NXN: variants seen among roughly 807,000 people sequenced by gnomAD.
The protein encoded by NXN is nucleoredoxin.
NXN carries 16 observed loss-of-function variants against 48.6 expected under a neutral mutation model. The observed-to-expected ratio is 0.33, with a 90% CI of 0.22 to 0.50. The LOEUF (loss-of-function observed/expected upper bound fraction) is 0.50. NXN is among the 20% of genes least tolerant of loss of function. The pLI is 0.98. For missense variants in NXN, 492 were observed against 605.5 expected (o/e 0.81, Z 1.97); for synonymous variants, 281 against 269.6 (o/e 1.04, Z -0.41).
At chr17:967,426 G>C (rs75367979) in intron 1 of NXN, among the ~76,000 whole-genome samples, 4,160 of 152,282 alleles carry the variant, frequency 0.027, 251 homozygotes, top group East Asian at 0.26. Context: ...TGCCACCCGG[G>C]CCTAAAGCTG....
chr17:841,688 G>GACCACGGA (rs1567828232), intron 1 of NXN, among the ~76,000 whole-genome samples: 2 of 113,558 alleles, frequency 1.8e-5, no homozygotes, highest in African/African-American at 8.4e-5. Flanking sequence ...CCCTGACCAT[G>GACCACGGA]GCACATCTCA....
intron 1 of NXN, among the ~76,000 whole-genome samples, chr17:897,526 G>A (rs1018117603): frequency 2.0e-5 from 3 of 152,128 alleles, no homozygotes; most frequent in South Asian, 4.1e-4. Context: ...ATTCACGTCC[G>A]GCATGTTCCG....
intron 1 of NXN, among the ~76,000 whole-genome samples, chr17:871,884 T>C (rs1041091399): frequency 2.0e-5 from 3 of 152,072 alleles, no homozygotes; most frequent in Non-Finnish European, 4.4e-5. Flanking sequence ...TCTGCAGTGC[T>C]ATTTGCTTTA....
rs1038557014 is a variant in NXN at position 903,884 on chromosome 17, C to G, written c.360+75435G>C. 2.3e-4 allele frequency among the ~76,000 whole-genome samples: 35 copies of G among 152,104 alleles called. 1 individual carries two copies. Among genetic ancestry groups the G allele is most frequent in the Admixed American group, 6.6e-4 (10 of 15,244 alleles). On this transcript the variant is annotated intron_variant, in intron 1 of 7. Coordinates refer to ENST00000336868, the MANE Select transcript of NXN (RefSeq NM_022463.5). ...GTAGACCAAATCCCCACTGGGGCGG[C>G]CCCCTCCGAAGCCAACCTCACCCCC... is the stretch of plus-strand genomic sequence containing the variant.
At position 825,145 on chromosome 17, in the gene NXN, G is replaced by C. The variant is rs1168533682; in HGVS notation, c.478+816C>G. On this transcript the variant is annotated intron_variant, in intron 2 of 7. Coordinates refer to ENST00000336868, the MANE Select transcript of NXN (RefSeq NM_022463.5). The surrounding 1 kb of genome is among the most constrained non-coding windows in gnomAD (Gnocchi z 4.1). ...ACACGGGAGGATGAGTTGAGCTCAG[G>C]AGGTCGAGGCTGCAGTGAACCGGGA... Among the ~76,000 whole-genome samples, 1 of 151,586 alleles carries C rather than the reference G, an allele frequency of 6.6e-6. No individual in the cohort carries two copies. Among genetic ancestry groups the C allele is most frequent in the Admixed American group, 6.6e-5 (1 of 15,192 alleles).
intron 1 of NXN, among the ~76,000 whole-genome samples, chr17:855,222 G>A (rs1446375900): frequency 6.6e-6 from 1 of 152,176 alleles, no homozygotes; most frequent in African/African-American, 2.4e-5. Context: ...AGGCTGCAGT[G>A]AGCTCTGATC....
intron 1 of NXN, among the ~76,000 whole-genome samples, chr17:960,615 C>T (rs1224002089): frequency 2.6e-5 from 4 of 151,864 alleles, no homozygotes; most frequent in Non-Finnish European, 4.4e-5. Flanking sequence ...AGTAGCTGAA[C>T]TACAGGCACA....
chr17:812,829 CATGTGTGAGTGTAG>C (rs1433493794), intron 5 of NXN, among the ~76,000 whole-genome samples: 1 of 127,248 alleles, frequency 7.9e-6, no homozygotes, highest in African/African-American at 3.1e-5. Flanking sequence ...TGCGAGTGTG[CATGTGTGAGTGTAG>C]GTGTGTGCAT....
intron 1 of NXN, among the ~76,000 whole-genome samples, chr17:851,005 C>G (rs2067917808): frequency 6.6e-6 from 1 of 152,250 alleles, no homozygotes; most frequent in African/African-American, 2.4e-5. Flanking sequence ...GCTTAGGAAA[C>G]TTAAAACTGC....
intron 6 of NXN, chr17:804,046 CCTCA>C (rs1195553060): frequency 1.9e-6 from 1 of 532,936 alleles, no homozygotes; most frequent in African/African-American, 1.9e-5. Context: ...GAGGAACCTG[CCTCA>C]CTGAGCAGCT....
intron 5 of NXN, among the ~76,000 whole-genome samples, chr17:808,889 C>G (rs1911745758): frequency 6.6e-6 from 1 of 151,330 alleles, no homozygotes; most frequent in Non-Finnish European, 1.5e-5. Context: ...GTTGGCCAAG[C>G]TGGTCTCAAA....
At chr17:915,296 T>C (rs2068677212) in intron 1 of NXN, among the ~76,000 whole-genome samples, 1 of 152,040 alleles carries the variant, frequency 6.6e-6, no homozygotes, top group African/African-American at 2.4e-5. Context: ...TAGGAATTCT[T>C]TCTCTCTTTC....
chr17:883,820 C>T (rs1285619532), intron 1 of NXN, among the ~76,000 whole-genome samples: 1 of 152,216 alleles, frequency 6.6e-6, no homozygotes, highest in East Asian at 1.9e-4. Flanking sequence ...CGCCTGTAAT[C>T]CCAATCAGCG....
At chr17:893,535 CGCCTGGAAGCCAGAGGAAGCA>C (rs1567852081) in intron 1 of NXN, among the ~76,000 whole-genome samples, 26 of 151,764 alleles carry the variant, frequency 1.7e-4, no homozygotes, top group Non-Finnish European at 3.5e-4. Flanking sequence ...AGCATCTCAA[CGCCTGGAAGCCAGAGGAAGCA>C]TCTCAACCTC....
intron 1 of NXN, among the ~76,000 whole-genome samples, chr17:927,095 C>T (rs2068807937): frequency 6.6e-6 from 1 of 151,296 alleles, no homozygotes; most frequent in African/African-American, 2.4e-5. Flanking sequence ...GGGCGGATCA[C>T]GAGGTCAGGA....
chr17:817,921 T>A (rs1432380768), intron 5 of NXN, among the ~76,000 whole-genome samples: 1 of 151,930 alleles, frequency 6.6e-6, no homozygotes, highest in East Asian at 1.9e-4. Flanking sequence ...GGGAAGGAGG[T>A]ATTCACACGA....
At chr17:961,168 C>T (rs1341714628) in intron 1 of NXN, among the ~76,000 whole-genome samples, 3 of 151,806 alleles carry the variant, frequency 2.0e-5, no homozygotes, top group East Asian at 2.0e-4. Flanking sequence ...CTGAGGCAGG[C>T]GGATCACCTG....
chr17:971,240 G>A (rs1186707188), intron 1 of NXN, among the ~76,000 whole-genome samples: 5 of 151,816 alleles, frequency 3.3e-5, no homozygotes, highest in African/African-American at 9.7e-5. Context: ...GCCACCGCGC[G>A]TGGCCGAGTC....
At chr17:939,765 C>T (rs969741336) in intron 1 of NXN, among the ~76,000 whole-genome samples, 5 of 152,216 alleles carry the variant, frequency 3.3e-5, no homozygotes, top group South Asian at 2.1e-4. Context: ...CTTGTGATGT[C>T]GGAACATCCA....
Sources: allele counts gnomAD v4.1 joint callset (sites outside exome capture counted in the v4.1 genomes callset), GRCh38; gene constraint gnomAD v4.1.1; non-coding constraint Gnocchi (gnomAD v3.1); transcripts MANE v1.5; gene names NCBI Gene and HGNC (gene_info 2026-07-23, HGNC 2026-07-21).